The following SORT1 variants were observed in gnomAD, a reference collection of about 807,000 sequenced individuals.
The protein encoded by SORT1 is sortilin.
A neutral mutation model predicts 101.7 loss-of-function variants in SORT1; 39 were observed. That is an observed-to-expected ratio of 0.38 (90% CI 0.30 to 0.50). SORT1 has a LOEUF of 0.50. SORT1 is among the 20% of genes least tolerant of loss of function. The pLI, the probability that SORT1 is intolerant of heterozygous loss-of-function variation, is 0.90. For missense variants in SORT1, 878 were observed against 1,040.4 expected (o/e 0.84, Z 2.15); for synonymous variants, 396 against 393.7 (o/e 1.01, Z -0.07).
intron 1 of SORT1, among the ~76,000 whole-genome samples, chr1:109,373,082 C>G (rs941813430): frequency 6.6e-6 from 1 of 151,812 alleles, no homozygotes; most frequent in African/African-American, 2.4e-5. Context: ...AAAAAAAAAC[C>G]CAAAACGACA....
chr1:109,357,073 T>C (rs555617720), intron 3 of SORT1, among the ~76,000 whole-genome samples: 1 of 152,362 alleles, frequency 6.6e-6, no homozygotes, highest in Non-Finnish European at 1.5e-5. Context: ...TATGAAACCA[T>C]ATTGTTACCA....
At chr1:109,353,504 G>A (rs531720657) in intron 5 of SORT1, among the ~76,000 whole-genome samples, 99 of 152,032 alleles carry the variant, frequency 6.5e-4, no homozygotes, top group African/African-American at 2.1e-3. Flanking sequence ...ACTTGTTCAC[G>A]GTTGATGATC....
intron 1 of SORT1, among the ~76,000 whole-genome samples, chr1:109,372,393 C>T (rs1651532268): frequency 6.6e-6 from 1 of 152,136 alleles, no homozygotes; most frequent in South Asian, 2.1e-4. Flanking sequence ...GCACAGTGGG[C>T]ACGCAATAAA....
intron 3 of SORT1, among the ~76,000 whole-genome samples, chr1:109,356,577 C>A (rs2101607753): frequency 6.6e-6 from 1 of 152,286 alleles, no homozygotes; most frequent in African/African-American, 2.4e-5. Context: ...ATCTATTAAT[C>A]CACAGTAGTT....
Position 109,397,903 on chromosome 1 carries a change from T to C in SORT1, c.-11A>G, listed in dbSNP as rs1376551794. On this transcript the variant is annotated 5_prime_UTR_variant, in exon 1 of 20. Transcript: ENST00000256637. ...CCAGGGCCGCTCCATCGCCGCCGAA[T>C]GCCGCCGACGCCGACACCTGCCGCC... The C allele has an allele frequency of 1.0e-5, 12 of 1,150,126 alleles. No individual in the cohort carries two copies. The highest frequency in any genetic ancestry group is 1.2e-5 in the Non-Finnish European group (11 of 937,726). 71.2% of individuals were successfully genotyped at this position (1,150,126 alleles called of 1,614,324 possible).
At position 109,313,888 on chromosome 1, in the gene SORT1, T is replaced by G; in HGVS notation, c.*155A>C. The stretch of plus-strand genomic sequence containing the variant: ...AGGGTTCCCCACCCCCACCCTGCAT[T>G]TCTTTAGTGTAGGTCCTTTTGGCTT... On this transcript the variant is annotated 3_prime_UTR_variant, in exon 20 of 20. Coordinates refer to ENST00000256637, the MANE Select transcript of SORT1 (RefSeq NM_002959.7). 15 of 467,442 alleles carry G rather than the reference T, an allele frequency of 3.2e-5. No homozygotes were observed. The highest frequency in any genetic ancestry group is 5.7e-4 in the Middle Eastern group (1 of 1,750). The allele number at this position is 467,442 out of a possible 1,614,324, so 29.0% of individuals were successfully genotyped here.
intron 3 of SORT1, among the ~76,000 whole-genome samples, chr1:109,361,021 A>T (rs1228922285): frequency 6.6e-6 from 1 of 152,220 alleles, no homozygotes; most frequent in Admixed American, 6.5e-5. Context: ...TCTCTTTATC[A>T]AATGGTCACT....
intron 3 of SORT1, among the ~76,000 whole-genome samples, chr1:109,359,009 T>C (rs944170373): frequency 3.6e-4 from 55 of 152,180 alleles, no homozygotes; most frequent in African/African-American, 1.3e-3. Context: ...AATGCTAAAA[T>C]ACAAATATAT....
At chr1:109,359,613 C>T (rs1208478065) in intron 3 of SORT1, among the ~76,000 whole-genome samples, 2 of 152,124 alleles carry the variant, frequency 1.3e-5, no homozygotes, top group Admixed American at 6.5e-5. Context: ...GGTTCTCCTG[C>T]CTCAGCCTCC....
rs1244484303 is a variant in SORT1, at chr1:109,317,979, T to A, written c.2025-10A>T. The A allele has an allele frequency of 6.4e-7, 1 of 1,569,742 alleles. No homozygotes were observed. ...GTAGTAGCCAAAATCACTGCAAGAG[T>A]CAGCAAATAAAGTACCTTTCAAAGC... On this transcript the variant is annotated splice_polypyrimidine_tract_variant and intron_variant, in intron 15 of 19. Coordinates refer to ENST00000256637, the MANE Select transcript of SORT1 (RefSeq NM_002959.7).
chr1:109,396,919 A>T (rs762709450), intron 1 of SORT1, among the ~76,000 whole-genome samples: 1 of 152,232 alleles, frequency 6.6e-6, no homozygotes, highest in Non-Finnish European at 1.5e-5. Flanking sequence ...CAGAAATCCC[A>T]TAATTTTGAA....
At chr1:109,384,520 A>G (rs570391059) in intron 1 of SORT1, among the ~76,000 whole-genome samples, 2 of 152,338 alleles carry the variant, frequency 1.3e-5, no homozygotes, top group East Asian at 3.9e-4. Context: ...AATCCAGGAC[A>G]TCTGAAATGG....
At chr1:109,316,035 T>C (rs778549999) in intron 17 of SORT1, among the ~76,000 whole-genome samples, 13 of 151,668 alleles carry the variant, frequency 8.6e-5, no homozygotes, top group Non-Finnish European at 1.8e-4. Context: ...GCTGGGACTA[T>C]ACAGGAGTAA....
At chr1:109,387,899 G>C (rs1346777916) in intron 1 of SORT1, among the ~76,000 whole-genome samples, 2 of 152,026 alleles carry the variant, frequency 1.3e-5, no homozygotes, top group Non-Finnish European at 2.9e-5. Flanking sequence ...GCAGTGAGCC[G>C]AGATAGTGCC....
chr1:109,345,321 C>T (rs1054657757), intron 8 of SORT1, among the ~76,000 whole-genome samples: 1 of 152,026 alleles, frequency 6.6e-6, no homozygotes. Flanking sequence ...TCAAGACCAG[C>T]CCGGCCAACA....
chr1:109,323,292 A>G (rs1050444728), intron 14 of SORT1, among the ~76,000 whole-genome samples, 171 bp from the exon 15 acceptor site: 2 of 152,260 alleles, frequency 1.3e-5, no homozygotes, highest in African/African-American at 4.8e-5. Flanking sequence ...AGAGCCTACT[A>G]GCAATCGCAT....
intron 1 of SORT1, among the ~76,000 whole-genome samples, chr1:109,380,789 C>A (rs1490729308): frequency 7.2e-5 from 7 of 96,624 alleles, no homozygotes; most frequent in Non-Finnish European, 1.1e-4. Flanking sequence ...CCAGCCTGGG[C>A]AACATGGCAA....
At chr1:109,315,748 CTTT>C (rs553898685) in intron 17 of SORT1, among the ~76,000 whole-genome samples, 15 of 124,704 alleles carry the variant, frequency 1.2e-4, no homozygotes, top group Non-Finnish European at 1.3e-4. Flanking sequence ...GCCTCATAAC[CTTT>C]TTTTTTTTTT....
chr1:109,351,965 G>GGT (rs10540637), intron 5 of SORT1, among the ~76,000 whole-genome samples: 4,178 of 147,440 alleles, frequency 0.028, 109 homozygotes, highest in African/African-American at 0.067. Context: ...GAGAGGTAGG[G>GGT]GTGTGTGTGT....
Sources: allele counts gnomAD v4.1 joint callset (sites outside exome capture counted in the v4.1 genomes callset), GRCh38; gene constraint gnomAD v4.1.1; transcripts MANE v1.5; gene names NCBI Gene and HGNC (gene_info 2026-07-23, HGNC 2026-07-21).